STXBP5: variants seen among roughly 807,000 people sequenced by gnomAD.
The protein encoded by STXBP5 is syntaxin-binding protein 5.
STXBP5 carries 50 observed loss-of-function variants against 152.4 expected under a neutral mutation model. The ratio of observed to expected loss-of-function variants is 0.33; its 90% CI spans 0.26 to 0.42. STXBP5 has a LOEUF of 0.42. Among genes scored for constraint, STXBP5 ranks in the 10% least tolerant of loss-of-function variants. The pLI, the probability that STXBP5 is intolerant of heterozygous loss-of-function variation, is 1.00. For missense variants in STXBP5, 1,167 were observed against 1,388.6 expected, an observed-to-expected ratio of 0.84 and a Z score of 2.54; for synonymous variants, 492 against 494.7, an observed-to-expected ratio of 0.99 and a Z score of 0.07.
At chr6:147,300,732 T>C (rs1316323491) in intron 9 of STXBP5, among the ~76,000 whole-genome samples, 4 of 152,022 alleles carry the variant, frequency 2.6e-5, no homozygotes, top group African/African-American at 4.8e-5. Flanking sequence ...TGCTTCACGA[T>C]ATGGGACTGG....
At chr6:147,300,162 C>T (rs1781735792) in intron 9 of STXBP5, among the ~76,000 whole-genome samples, 2 of 151,872 alleles carry the variant, frequency 1.3e-5, no homozygotes, top group Non-Finnish European at 1.5e-5. Context: ...AATTGAAGAG[C>T]ACAAATGGAA....
chr6:147,314,730 T>G, intron 14 of STXBP5, 94 bp downstream of exon 14: 3 of 925,582 alleles, frequency 3.2e-6, no homozygotes, highest in Non-Finnish European at 4.7e-6. Context: ...CAATATTTAA[T>G]TTGAAATGTA....
At chr6:147,346,008 C>T (rs893056565) in intron 21 of STXBP5, among the ~76,000 whole-genome samples, 3 of 152,138 alleles carry the variant, frequency 2.0e-5, no homozygotes, top group Non-Finnish European at 4.4e-5. Flanking sequence ...ACTAGTTTTC[C>T]TCAGACTGAA....
chr6:147,372,154 C>T (rs1037089525), intron 25 of STXBP5, among the ~76,000 whole-genome samples: 3 of 151,986 alleles, frequency 2.0e-5, no homozygotes, highest in Non-Finnish European at 4.4e-5. Context: ...GTAAGAGCTT[C>T]AGTCCACTTC....
intron 25 of STXBP5, among the ~76,000 whole-genome samples, chr6:147,366,848 G>A (rs1162458301): frequency 1.3e-5 from 2 of 152,188 alleles, no homozygotes; most frequent in African/African-American, 4.8e-5. Context: ...TCAAAAGGAT[G>A]AAAATGTTTT....
At chr6:147,250,240 CA>C (rs1329226990) in intron 4 of STXBP5, among the ~76,000 whole-genome samples, 1 of 152,064 alleles carries the variant, frequency 6.6e-6, no homozygotes, top group African/African-American at 2.4e-5. Context: ...AAGAAAAATC[CA>C]CCATTTGCCA....
chr6:147,371,925 C>A (rs1785558534), intron 25 of STXBP5, among the ~76,000 whole-genome samples: 1 of 151,980 alleles, frequency 6.6e-6, no homozygotes, highest in South Asian at 2.1e-4. Context: ...CAATTTAATA[C>A]ATATAGTTTA....
chr6:147,288,135 A>G (rs1213913449), intron 8 of STXBP5, among the ~76,000 whole-genome samples: 1 of 152,146 alleles, frequency 6.6e-6, no homozygotes, highest in African/African-American at 2.4e-5. Flanking sequence ...AACTGAAACT[A>G]CAGCCTTAGG....
intron 10 of STXBP5, 47 bp downstream of exon 10, chr6:147,310,285 TAAAA>T: frequency 3.6e-6 from 4 of 1,124,304 alleles, no homozygotes; most frequent in Non-Finnish European, 4.5e-6. Flanking sequence ...GAGCTGATAT[TAAAA>T]AAAAAAAAAA....
intron 2 of STXBP5, among the ~76,000 whole-genome samples, chr6:147,224,759 A>T (rs527777154): frequency 9.9e-5 from 15 of 152,252 alleles, no homozygotes; most frequent in African/African-American, 3.6e-4. Flanking sequence ...ATGATGCTCA[A>T]TTTTTTTAAA....
chr6:147,374,920 C>A (rs1470393047), intron 26 of STXBP5, among the ~76,000 whole-genome samples: 1 of 152,192 alleles, frequency 6.6e-6, no homozygotes, highest in Non-Finnish European at 1.5e-5. Context: ...CACACACTCA[C>A]AACTTTCAGC....
intron 8 of STXBP5, among the ~76,000 whole-genome samples, chr6:147,286,354 C>T (rs1446855949): frequency 6.6e-6 from 1 of 152,070 alleles, no homozygotes; most frequent in Non-Finnish European, 1.5e-5. Flanking sequence ...TTCAATGTTC[C>T]ATTACCAGTC....
intron 2 of STXBP5, among the ~76,000 whole-genome samples, chr6:147,206,524 G>A (rs78079687): frequency 0.026 from 3,985 of 152,090 alleles, 118 homozygotes; most frequent in African/African-American, 0.074. Flanking sequence ...TGGCATGTCC[G>A]TGTAGAAAAA....
intron 9 of STXBP5, among the ~76,000 whole-genome samples, chr6:147,300,063 A>G (rs1013983377): frequency 2.6e-5 from 4 of 152,002 alleles, no homozygotes; most frequent in African/African-American, 9.7e-5. Context: ...CTCATTTACA[A>G]TAGCTACTGA....
intron 21 of STXBP5, among the ~76,000 whole-genome samples, chr6:147,345,934 C>G (rs575396538): frequency 2.1e-4 from 32 of 152,210 alleles, no homozygotes; most frequent in African/African-American, 7.7e-4. Flanking sequence ...AGTTTGATGT[C>G]CTTATTCAGG....
intron 4 of STXBP5, among the ~76,000 whole-genome samples, chr6:147,241,667 T>C (rs1778551459): frequency 6.6e-6 from 1 of 152,142 alleles, no homozygotes; most frequent in Non-Finnish European, 1.5e-5. Context: ...AGAGATGTTA[T>C]AGCTGTCATA....
chr6:147,362,536 A>T (rs1785112685), intron 23 of STXBP5, among the ~76,000 whole-genome samples: 1 of 152,164 alleles, frequency 6.6e-6, no homozygotes, highest in Non-Finnish European at 1.5e-5. Flanking sequence ...TGACCAAAAT[A>T]ATGCCTTAAG....
intron 25 of STXBP5, among the ~76,000 whole-genome samples, chr6:147,368,258 T>TA (rs142712484): frequency 1.6e-4 from 24 of 149,944 alleles, no homozygotes; most frequent in East Asian, 5.9e-4. Context: ...CAAAATTTGT[T>TA]AAAAAAAAAA....
At chr6:147,296,881 T>C (rs574756522) in intron 9 of STXBP5, among the ~76,000 whole-genome samples, 4 of 152,230 alleles carry the variant, frequency 2.6e-5, no homozygotes, top group Admixed American at 6.5e-5. Context: ...ATTTCTGAAT[T>C]TGAAGGCAGG....
Sources: gnomAD v4.1 joint callset for allele counts (sites outside exome capture counted in the v4.1 genomes callset) on GRCh38, gnomAD v4.1.1 for gene constraint, MANE v1.5 for transcripts, NCBI Gene and HGNC (gene_info 2026-07-23, HGNC 2026-07-21) for gene names.